The following SLC1A1 variants were observed in gnomAD, a reference collection of about 807,000 sequenced individuals.
The protein encoded by SLC1A1 is solute carrier family 1 member 1.
Under a neutral mutation model 53.3 loss-of-function variants are expected in SLC1A1, and 43 were observed. That is an observed-to-expected ratio of 0.81 (90% confidence interval 0.63 to 1.04). The LOEUF (loss-of-function observed/expected upper bound fraction) is 1.04. SLC1A1 is among the 50% of genes least tolerant of loss of function. The pLI is 0.00. For synonymous variants in SLC1A1, 307 were observed against 243.2 expected (o/e 1.26, Z -2.44); for missense variants, 748 against 664.9 (o/e 1.12, Z -1.37).
chr9:4,573,995 A>G lies in SLC1A1; in HGVS notation c.856A>G (p.Met286Val). The change falls in exon 8 of 12, where the codon ATG becomes GTG. Residue 286 changes from methionine (M) to valine (V), a missense_variant. Met to Val is a conservative substitution (Grantham distance 21). Transcript: ENST00000262352. ...WEIFRKLGLY[M>V]ATVLTGLAIH... ...AATATTCCGCAAGCTGGGCCTTTACATGGCCACAGTCCTGACTGGGTATGT... is the reference window on the plus strand; with the variant it reads ...AATATTCCGCAAGCTGGGCCTTTACGTGGCCACAGTCCTGACTGGGTATGT... 6.2e-7 allele frequency: 1 copy of G among 1,611,514 alleles called. No homozygotes were observed. The highest frequency in any genetic ancestry group is 8.5e-7 in the Non-Finnish European group (1 of 1,177,584).
chr9:4,512,465 G>A (rs571644922), intron 1 of SLC1A1, among the ~76,000 whole-genome samples: 73 of 152,110 alleles, frequency 4.8e-4, no homozygotes, highest in African/African-American at 1.7e-3. Context: ...CCATGATCAC[G>A]CCACTGCACT....
chr9:4,523,786 A>G (rs1454187228), intron 1 of SLC1A1, among the ~76,000 whole-genome samples: 2 of 152,238 alleles, frequency 1.3e-5, no homozygotes, highest in African/African-American at 2.4e-5. Flanking sequence ...GTCTCATTTT[A>G]AAATCTCCTA....
At chr9:4,520,076 C>A (rs955489228) in intron 1 of SLC1A1, among the ~76,000 whole-genome samples, 1 of 152,194 alleles carries the variant, frequency 6.6e-6, no homozygotes, top group East Asian at 1.9e-4. Context: ...ATCTCCTTTA[C>A]AGGCTATGTT....
chr9:4,493,877 C>T (rs769147905), intron 1 of SLC1A1, among the ~76,000 whole-genome samples: 3 of 152,104 alleles, frequency 2.0e-5, no homozygotes, highest in South Asian at 2.1e-4. Flanking sequence ...TTTCAAGATA[C>T]AGCACATGAG....
chr9:4,540,477 C>T (rs770925696), intron 1 of SLC1A1, among the ~76,000 whole-genome samples: 47 of 152,148 alleles, frequency 3.1e-4, no homozygotes, highest in Non-Finnish European at 4.9e-4. Flanking sequence ...ACACTTAAGC[C>T]GTCCGTGGAT....
chr9:4,531,628 G>T (rs571700349), intron 1 of SLC1A1, among the ~76,000 whole-genome samples: 2 of 152,278 alleles, frequency 1.3e-5, no homozygotes, highest in East Asian at 3.9e-4. Context: ...CCACCTCTAG[G>T]GGCAGGGCAG....
intron 7 of SLC1A1, among the ~76,000 whole-genome samples, chr9:4,572,634 A>C (rs552830949): frequency 6.6e-6 from 1 of 152,294 alleles, no homozygotes; most frequent in South Asian, 2.1e-4. Context: ...TGCAGCCTCA[A>C]CTTCCTGTGC....
At position 4,545,189 on chromosome 9, in the gene SLC1A1, G is replaced by GTCTCCC. The variant is rs1554681237; in HGVS notation, c.232+486_232+487insCCTCTC. ...CGGGAAAAATTGAAATACATTAGATGTCTCTCTCTCTCTCTCTCTCTCTCT... is the reference window on the plus strand; with the variant it reads ...CGGGAAAAATTGAAATACATTAGATGTCTCCCTCTCTCTCTCTCTCTCTCTCTCTCT... On this transcript the variant is annotated intron_variant, in intron 2 of 11. Coordinates refer to ENST00000262352, the MANE Select transcript of SLC1A1 (RefSeq NM_004170.6). Among the ~76,000 whole-genome samples the GTCTCCC allele has an allele frequency of 1.9e-3, 251 of 130,986 alleles. 3 individuals are homozygous for GTCTCCC. The highest frequency in any genetic ancestry group is 6.9e-3 in the African/African-American group (241 of 35,036). 85.9% of individuals were successfully genotyped at this position (130,986 alleles called of 152,430 possible). A position where few individuals can be genotyped will look rare whatever the true frequency, so the allele number is the denominator to read the frequency against.
At chr9:4,490,958 C>T (rs1455335850) in intron 1 of SLC1A1, among the ~76,000 whole-genome samples, 188 bp downstream of exon 1, 1 of 152,220 alleles carries the variant, frequency 6.6e-6, no homozygotes, top group Non-Finnish European at 1.5e-5. Context: ...ACACCAAGAA[C>T]AAAGCTCCTC....
intron 1 of SLC1A1, among the ~76,000 whole-genome samples, chr9:4,507,581 G>A (rs1820847299): frequency 6.6e-6 from 1 of 152,182 alleles, no homozygotes; most frequent in Admixed American, 6.5e-5. Flanking sequence ...TAAGAGAGAA[G>A]GGTGAACAGT....
chr9:4,493,054 G>A (rs1011838887), intron 1 of SLC1A1, among the ~76,000 whole-genome samples: 2 of 152,182 alleles, frequency 1.3e-5, no homozygotes, highest in African/African-American at 4.8e-5. Flanking sequence ...TTGCAGACAT[G>A]GCCTTTGGTC....
Position 4,564,063 on chromosome 9 carries a change from T to C in SLC1A1, c.326-281T>C, listed in dbSNP as rs116963845. On this transcript the variant is annotated intron_variant, in intron 3 of 11. Coordinates refer to ENST00000262352, the MANE Select transcript of SLC1A1 (RefSeq NM_004170.6). Reference sequence around the variant, plus strand: ...CAGCAGGTGTTTCCAGAAGCAATTCTGGGATGCAGCCCCTTCATTTAAAAC... The same window carrying C: ...CAGCAGGTGTTTCCAGAAGCAATTCCGGGATGCAGCCCCTTCATTTAAAAC... 4.4e-4 allele frequency among the ~76,000 whole-genome samples: 66 copies of C among 151,654 alleles called. No homozygotes were observed. The Middle Eastern group carries it at 0.01, about 23-fold the overall frequency.
intron 1 of SLC1A1, among the ~76,000 whole-genome samples, chr9:4,537,090 G>A (rs906258759): frequency 6.6e-6 from 1 of 152,040 alleles, no homozygotes; most frequent in African/African-American, 2.4e-5. Context: ...TATACCTAAT[G>A]TTAAATGACG....
At chr9:4,497,849 A>C (rs7029281) in intron 1 of SLC1A1, among the ~76,000 whole-genome samples, 6,720 of 152,244 alleles carry the variant, frequency 0.044, 503 homozygotes, top group African/African-American at 0.15. Flanking sequence ...ATACTCTCTG[A>C]GTCTTTGTTT....
At chr9:4,528,437 A>G (rs892474474) in intron 1 of SLC1A1, among the ~76,000 whole-genome samples, 17 of 152,152 alleles carry the variant, frequency 1.1e-4, no homozygotes, top group East Asian at 7.8e-4. Flanking sequence ...TTAGCTGGGC[A>G]TGGTGGCCGG....
chr9:4,528,150 C>G (rs7025968), intron 1 of SLC1A1, among the ~76,000 whole-genome samples: 62,021 of 152,018 alleles, frequency 0.41, 13,093 homozygotes, highest in Admixed American at 0.47. Context: ...GCTAATTGAT[C>G]AGAGTCTCCC....
At chr9:4,521,554 G>C (rs1163537992) in intron 1 of SLC1A1, among the ~76,000 whole-genome samples, 2 of 152,306 alleles carry the variant, frequency 1.3e-5, no homozygotes, top group East Asian at 3.9e-4. Flanking sequence ...TGCTCTTAAA[G>C]AAAAATTCTG....
At chr9:4,517,607 G>A (rs1164143358) in intron 1 of SLC1A1, among the ~76,000 whole-genome samples, 1 of 152,204 alleles carries the variant, frequency 6.6e-6, no homozygotes, top group Admixed American at 6.5e-5. Flanking sequence ...CAGAATGAAA[G>A]ATGACAGCCA....
intron 8 of SLC1A1, among the ~76,000 whole-genome samples, chr9:4,574,934 G>A (rs550615491): frequency 6.6e-6 from 1 of 152,198 alleles, no homozygotes; most frequent in Admixed American, 6.5e-5. Flanking sequence ...TACAGTGTGA[G>A]GCCCCTGGCG....
Sources: allele counts gnomAD v4.1 joint callset (sites outside exome capture counted in the v4.1 genomes callset), GRCh38; gene constraint gnomAD v4.1.1; transcripts MANE v1.5; gene names NCBI Gene and HGNC (gene_info 2026-07-23, HGNC 2026-07-21).